The following JOSD2 variants were observed in gnomAD, a reference collection of about 807,000 sequenced individuals.
The protein encoded by JOSD2 is josephin-2.
JOSD2 carries 20 observed loss-of-function variants against 19.3 expected under a neutral mutation model. That is an observed-to-expected ratio of 1.04 (90% CI 0.73 to 1.51). JOSD2 has a LOEUF of 1.51. Among genes scored for constraint, JOSD2 ranks in the 40% most tolerant of loss-of-function variants. JOSD2 has a pLI of 0.00. For synonymous variants in JOSD2, 118 were observed against 123.7 expected (o/e 0.95, Z 0.31); for missense variants, 215 against 250.4 (o/e 0.86, Z 0.95).
rs1356249803 is a variant in JOSD2, at chr19:50,506,439, A to C, written c.406T>G (p.Tyr136Asp). 1 of 1,601,520 alleles carries C rather than the reference A, an allele frequency of 6.2e-7. No individual in the cohort carries two copies. The highest frequency in any genetic ancestry group is 8.5e-7 in the Non-Finnish European group (1 of 1,175,080). ...CGCAGCTTGGAGTCCAGGTTGTAGT[A>C]GACACCGTCCACCTGGCGCAGGGCC... is the stretch of plus-strand genomic sequence containing the variant. The part of the protein sequence containing the change: ...WVALRQVDGV[Y>D]YNLDSKLRAP... Residue 136 changes from tyrosine (Y) to aspartate (D), a missense_variant, in exon 4 of 5, where the codon TAC becomes GAC. Tyr to Asp is a radical substitution (Grantham distance 160, BLOSUM62 -3). Transcript: ENST00000598418.
At chr19:50,510,051 CAAAAAA>C (rs139049930) in intron 2 of JOSD2, 5 of 232,214 alleles carry the variant, frequency 2.2e-5, no homozygotes, top group South Asian at 3.3e-5. Flanking sequence ...GACTCAGTCT[CAAAAAA>C]AAAAAAAAAA....
At chr19:50,506,311 C>G (rs1425128983) in intron 4 of JOSD2, 39 bp from the exon 5 acceptor site, 9 of 1,610,418 alleles carry the variant, frequency 5.6e-6, no homozygotes, top group Non-Finnish European at 5.9e-6. Context: ...CTCGGCCAGC[C>G]TGGGCATTCC....
At chr19:50,508,543 C>T (rs1394092903) in intron 2 of JOSD2, among the ~76,000 whole-genome samples, 1 of 151,160 alleles carries the variant, frequency 6.6e-6, no homozygotes, top group African/African-American at 2.4e-5. Flanking sequence ...CCCACCGCCT[C>T]CCGCCCCACC....
Position 50,507,572 on chromosome 19 carries a change from ACCT to A in JOSD2, c.271_272+1del, listed in dbSNP as rs779961154. On this transcript the variant is annotated splice_donor_variant and coding_sequence_variant, in exon 3 of 5. Transcript: ENST00000598418. LOFTEE classifies it high-confidence loss of function. ...CACATGCTGTGCTGCTCTGGGGCCT[ACCT>A]CCTCCTGTCCCACCACACGGCGGCC... is the stretch of plus-strand genomic sequence containing the variant. 3.1e-6 allele frequency: 5 copies of A among 1,602,456 alleles called. No homozygotes were observed. Among genetic ancestry groups the A allele is most frequent in the East Asian group, 2.2e-5 (1 of 44,774 alleles).
At position 50,506,183 on chromosome 19, in the gene JOSD2, C is replaced by T. The variant is rs141164117; in HGVS notation, c.557G>A (p.Arg186Gln). The T allele has an allele frequency of 6.9e-5, 112 of 1,612,568 alleles. No individual in the cohort carries two copies. The East Asian group carries it at 1.7e-3, about 24-fold the overall frequency. Reference sequence around the variant, plus strand: ...GATGGTCAGCCATGGTCAGTCTGTCCGCAGCCAGCTGCCCTTCTCCTCCAC... The same window carrying T: ...GATGGTCAGCCATGGTCAGTCTGTCTGCAGCCAGCTGCCCTTCTCCTCCAC... ...KEVEEKGSWL[R>Q]TD Residue 186 changes from arginine to glutamine, a missense_variant, in exon 5 of 5, where the codon CGG becomes CAG. By Grantham distance (43) the Arg-to-Gln change is conservative. Transcript: ENST00000598418.
At chr19:50,510,928 C>G (rs530099694) in intron 1 of JOSD2, 189 bp downstream of exon 1, 74 of 352,710 alleles carry the variant, frequency 2.1e-4, no homozygotes, top group African/African-American at 1.5e-3. Context: ...CTTCCCCGGT[C>G]ATGTAGCAGC....
intron 2 of JOSD2, 68 bp from the exon 3 acceptor site, chr19:50,507,767 C>G: frequency 6.4e-7 from 1 of 1,552,284 alleles, no homozygotes; most frequent in Non-Finnish European, 8.7e-7. Context: ...AATGGGGGTC[C>G]CAGGGGCCAC....
rs1048937122 is a variant in JOSD2, at chr19:50,506,507, G to T, written c.338C>A (p.Ser113Ter). ...CAGCGGCAGTGACAGCAGCCCCAGC[G>T]ACACGGGCGAGGGCAGGTTCAGGAT... Reference protein sequence around the residue: ...GLILNLPSPVSLGLLSLPLRR... With the variant: ...GLILNLPSPV Residue 113 changes from serine to a stop codon, truncating the protein, a stop_gained, in exon 4 of 5, where the codon TCG becomes TAG. Transcript: ENST00000598418. LOFTEE classifies it high-confidence loss of function. The T allele has an allele frequency of 6.4e-7, 1 of 1,556,466 alleles. No individual in the cohort carries two copies. Among genetic ancestry groups the T allele is most frequent in the Non-Finnish European group, 8.7e-7 (1 of 1,150,878 alleles).
chr19:50,507,465 C>T (rs1459461307), intron 3 of JOSD2, 109 bp downstream of exon 3: 24 of 1,448,922 alleles, frequency 1.7e-5, no homozygotes, highest in Non-Finnish European at 2.1e-5. Flanking sequence ...TTCCCACATT[C>T]ATGCCAACCT....
rs1979729805 is a variant in JOSD2, at chr19:50,510,513, G to A, written c.-17-65C>T. 16 of 1,435,824 alleles carry A rather than the reference G, an allele frequency of 1.1e-5. No homozygotes were observed. The East Asian group carries it at 2.5e-4, about 23-fold the overall frequency. The allele number at this position is 1,435,824 out of a possible 1,614,324, so 88.9% of individuals were successfully genotyped here. A position where few individuals can be genotyped will look rare whatever the true frequency, so the allele number is the denominator to read the frequency against. ...GATCTAGAGGTCCAGCCTCCCAGCAGGCCTTTGGGGCATCGCCATTGATTG... is the reference window on the plus strand; with the variant it reads ...GATCTAGAGGTCCAGCCTCCCAGCAAGCCTTTGGGGCATCGCCATTGATTG... On this transcript the variant is annotated intron_variant, in intron 1 of 4. Transcript: ENST00000598418.
In JOSD2 at chr19:50,511,144, C is replaced by T; in HGVS notation, c.-45G>A. The T allele has an allele frequency of 4.4e-6, 2 of 451,006 alleles. No individual in the cohort carries two copies. The highest frequency in any genetic ancestry group is 8.9e-6 in the Non-Finnish European group (2 of 224,244). The allele number at this position is 451,006 out of a possible 1,614,324, so 27.9% of individuals were successfully genotyped here. On this transcript the variant is annotated 5_prime_UTR_variant, in exon 1 of 5. Coordinates refer to ENST00000598418, the MANE Select transcript of JOSD2 (RefSeq NM_001270639.2). ...CGCCTGCCTCTCCGCTCCACCGAGCCAGGGGTTTCCGCATCCCCTTCCTGG... is the reference window on the plus strand; with the variant it reads ...CGCCTGCCTCTCCGCTCCACCGAGCTAGGGGTTTCCGCATCCCCTTCCTGG...
In JOSD2 at chr19:50,506,175, AGTCT is replaced by A. The variant is rs756815315; in HGVS notation, c.561_564del (p.Ter189HisfsTer3). On this transcript the variant is annotated frameshift_variant, in exon 5 of 5. Coordinates refer to ENST00000598418, the MANE Select transcript of JOSD2 (RefSeq NM_001270639.2). LOFTEE classifies it high-confidence loss of function. ...TGGGCGCCGATGGTCAGCCATGGTC[AGTCT>A]GTCCGCAGCCAGCTGCCCTTCTCCT... 4 of 1,612,362 alleles carry A rather than the reference AGTCT, an allele frequency of 2.5e-6. No homozygotes were observed. In the Admixed American group the frequency reaches 6.7e-5, roughly 27 times the overall value.
At chr19:50,509,605 G>T (rs1979610971) in intron 2 of JOSD2, among the ~76,000 whole-genome samples, 1 of 152,190 alleles carries the variant, frequency 6.6e-6, no homozygotes, top group Non-Finnish European at 1.5e-5. Flanking sequence ...GAGTAGGGCG[G>T]GGGCGTGTTT....
At chr19:50,507,756 A>C in intron 2 of JOSD2, 57 bp from the exon 3 acceptor site, 3 of 1,567,986 alleles carry the variant, frequency 1.9e-6, no homozygotes, top group Non-Finnish European at 2.6e-6. Context: ...CCTCCCCACA[A>C]AATGGGGGTC....
At position 50,508,528 on chromosome 19, in the gene JOSD2, C is replaced by T. The variant is rs142683832; in HGVS notation, c.147-829G>A. 2.5e-3 allele frequency among the ~76,000 whole-genome samples: 373 copies of T among 152,198 alleles called. 3 individuals carry two copies. Among genetic ancestry groups the T allele is most frequent in the African/African-American group, 8.7e-3 (361 of 41,520 alleles). The stretch of plus-strand genomic sequence containing the variant: ...GGTCCCCTGTCCCCAGCCACATCCC[C>T]GGTGCCCACCGCCTCCCGCCCCACC... On this transcript the variant is annotated intron_variant, in intron 2 of 4. Transcript: ENST00000598418.
At chr19:50,507,877 C>G in intron 2 of JOSD2, 178 bp from the exon 3 acceptor site, 1 of 733,268 alleles carries the variant, frequency 1.4e-6, no homozygotes, top group Non-Finnish European at 2.2e-6. Context: ...TCCCCAAGTC[C>G]TGTCTCTCCT....
intron 2 of JOSD2, among the ~76,000 whole-genome samples, chr19:50,509,279 G>C (rs1346822075): frequency 1.3e-5 from 2 of 152,052 alleles, no homozygotes; most frequent in South Asian, 4.2e-4. Context: ...TTTTAGTAGA[G>C]ACGGGGTTTC....
At chr19:50,508,835 G>A (rs901025063) in intron 2 of JOSD2, among the ~76,000 whole-genome samples, 15 of 152,014 alleles carry the variant, frequency 9.9e-5, no homozygotes, top group South Asian at 2.1e-4. Context: ...TCCTTGTTGC[G>A]AATGATAGAG....
chr19:50,506,116 C>A lies in JOSD2; in HGVS notation c.*57G>T, dbSNP rs181129739. ...TGGCCTTTCCCAGGCATGCAGTGTG[C>A]GCAGCCGGAGGGGGATGCGCAGGGA... On this transcript the variant is annotated 3_prime_UTR_variant, in exon 5 of 5. Coordinates refer to ENST00000598418, the MANE Select transcript of JOSD2 (RefSeq NM_001270639.2). The A allele has an allele frequency of 1.1e-3, 1,654 of 1,539,708 alleles. 11 individuals carry two copies. The African/African-American group carries it at 0.02, about 19-fold the overall frequency.
Sources: gnomAD v4.1 joint callset for allele counts (sites outside exome capture counted in the v4.1 genomes callset) on GRCh38, gnomAD v4.1.1 for gene constraint, MANE v1.5 for transcripts, NCBI Gene and HGNC (gene_info 2026-07-23, HGNC 2026-07-21) for gene names.